Variants in FDXR observed in about 807,000 individuals in gnomAD.
FDXR encodes the protein ferredoxin reductase, also known as NADPH:adrenodoxin oxidoreductase, mitochondrial.
A neutral mutation model predicts 58.3 loss-of-function variants in FDXR; 38 were observed. The ratio of observed to expected loss-of-function variants is 0.65; its 90% CI spans 0.50 to 0.85. The LOEUF is 0.85. Among genes scored for constraint, FDXR ranks in the 40% least tolerant of loss-of-function variants. The pLI is 0.00. For missense variants in FDXR, 624 were observed against 671.0 expected, an observed-to-expected ratio of 0.93 and a Z score of 0.77; for synonymous variants, 275 against 273.8, an observed-to-expected ratio of 1.00 and a Z score of -0.04.
In FDXR at chr17:74,864,144, T is replaced by C; in HGVS notation, c.1002+4A>G. 1.2e-6 allele frequency: 2 copies of C among 1,612,838 alleles called. No homozygotes were observed. The highest frequency in any genetic ancestry group is 2.2e-5 in the South Asian group (2 of 91,084). On this transcript the variant is annotated splice_donor_region_variant and intron_variant, in intron 9 of 11. Coordinates refer to ENST00000293195, the MANE Select transcript of FDXR (RefSeq NM_024417.5). Reference sequence around the variant, plus strand: ...GGGGTGTCTTTGGGAAACATGAGACTCACCTCCAGTCTAGTGACTGCTAGG... The same window carrying C: ...GGGGTGTCTTTGGGAAACATGAGACCCACCTCCAGTCTAGTGACTGCTAGG...
chr17:74,863,330 T>G, intron 10 of FDXR, 84 bp from the exon 11 acceptor site: 1 of 1,348,228 alleles, frequency 7.4e-7, no homozygotes, highest in Non-Finnish European at 1.0e-6. Context: ...TACACCCACG[T>G]GCACGCACAC....
rs539931119 is a variant in FDXR at position 74,864,341 on chromosome 17, G to T, written c.809C>A (p.Pro270His). 1.8e-4 allele frequency: 290 copies of T among 1,576,140 alleles called. 1 individual carries two copies. The highest frequency in any genetic ancestry group is 1.4e-3 in the South Asian group (124 of 87,550). Residue 270 changes from proline (P) to histidine (H), a missense_variant, in exon 9 of 12, where the codon CCC becomes CAC. Pro to His is a moderately conservative substitution (Grantham distance 77, BLOSUM62 -2). Transcript: ENST00000293195. ...TTCCGTCAGCCGCTTCCTCGGGCGGGGGACCTCTGTCAGCAACGTAGAATG... is the reference window on the plus strand; with the variant it reads ...TTCCGTCAGCCGCTTCCTCGGGCGGTGGACCTCTGTCAGCAACGTAGAATG... ...LGLQDKIKEV[P>H]RPRKRLTELL...
chr17:74,872,574 T>A, intron 1 of FDXR: 1 of 651,760 alleles, frequency 1.5e-6, no homozygotes, highest in Non-Finnish European at 2.6e-6. Context: ...ACTCAGACTT[T>A]CCTCTCGCCC....
intron 2 of FDXR, 77 bp downstream of exon 2, chr17:74,871,959 T>C: frequency 8.3e-7 from 1 of 1,211,506 alleles, no homozygotes; most frequent in Non-Finnish European, 1.1e-6. Flanking sequence ...GGAGTGCTCT[T>C]AAAACCCAAA....
chr17:74,866,796 G>A lies in FDXR; in HGVS notation c.258C>T (p.His86=). ...GLVRFGVAPD[H]PEVKNVINTF... The stretch of plus-strand genomic sequence containing the variant: ...CAGAGACACCCACCTTCACCTCGGG[G>A]TGATCAGGCGCCACACCAAAGCGCA... The change falls in exon 3 of 12, where the codon CAC becomes CAT. Residue 86 remains histidine, a synonymous_variant. Transcript: ENST00000293195. The A allele has an allele frequency of 6.2e-7, 1 of 1,614,154 alleles. No homozygotes were observed.
chr17:74,872,777 A>G, intron 1 of FDXR, 89 bp downstream of exon 1: 1 of 1,535,978 alleles, frequency 6.5e-7, no homozygotes, highest in South Asian at 1.2e-5. Context: ...ACCCTTCTCC[A>G]GCCCTGCCCC....
intron 2 of FDXR, among the ~76,000 whole-genome samples, chr17:74,870,591 TAA>T (rs112059939): frequency 6.8e-6 from 1 of 146,976 alleles, no homozygotes; most frequent in African/African-American, 2.5e-5. Context: ...CAGGATCAGC[TAA>T]AAAAAAACTG....
At position 74,870,097 on chromosome 17, in the gene FDXR, A is replaced by C. The variant is rs35303768; in HGVS notation, c.177+1939T>G. On this transcript the variant is annotated intron_variant, in intron 2 of 11. Transcript: ENST00000293195. ...CTTAGGAGCACAGCCAGTAGCTTGG[A>C]GCTCCCTGTGGGCAAAGATCAGCCC... 3.6e-3 allele frequency: 1,409 copies of C among 387,614 alleles called. 27 individuals carry two copies. Among genetic ancestry groups the C allele is most frequent in the African/African-American group, 0.027 (1,307 of 49,278 alleles). The allele number at this position is 387,614 out of a possible 1,614,324, so 24.0% of individuals were successfully genotyped here.
rs746389904 is a variant in FDXR, at chr17:74,866,191, T to A, written c.447A>T (p.Pro149=). ...RALEIPGEEL[P]GVCSARAFVG... ...CGAAGGCCCGGGCGGAGCACACACC[T>A]GGCAGCTCCTCACCAGGAATTTCCA... Residue 149 remains proline, a synonymous_variant, in exon 5 of 12, where the codon CCA becomes CCT. Coordinates refer to ENST00000293195, the MANE Select transcript of FDXR (RefSeq NM_024417.5). The A allele has an allele frequency of 6.2e-7, 1 of 1,613,984 alleles. No homozygotes were observed. Among genetic ancestry groups the A allele is most frequent in the Non-Finnish European group, 8.5e-7 (1 of 1,179,988 alleles).
Position 74,864,304 on chromosome 17 carries a change from T to A in FDXR, c.846A>T (p.Arg282=). 6.3e-7 allele frequency: 1 copy of A among 1,585,294 alleles called. No individual in the cohort carries two copies. The highest frequency in any genetic ancestry group is 8.6e-7 in the Non-Finnish European group (1 of 1,162,718). ...CCGGCCCTGGCTTCTCTGTGGCCGT[T>A]CGAAGCAGCAGTTCCGTCAGCCGCT... ...PRKRLTELLL[R]TATEKPGPAE... is the part of the protein sequence containing the mutation. The change falls in exon 9 of 12, where the codon CGA becomes CGT. Residue 282 remains arginine, a synonymous_variant. Coordinates refer to ENST00000293195, the MANE Select transcript of FDXR (RefSeq NM_024417.5).
rs771085930 is a variant in FDXR, at chr17:74,862,833, C to T, written c.1460G>A (p.Arg487His). 7.4e-6 allele frequency: 12 copies of T among 1,611,154 alleles called. No homozygotes were observed. The highest frequency in any genetic ancestry group is 4.5e-5 in the East Asian group (2 of 44,898). ...EKLVDPQEML[R>H]LLGH ...GGGCTGGGCTCAGTGGCCCAGGAGG[C>T]GCAGCATCTCCTGAGGATCCACCAG... Residue 487 changes from arginine (R) to histidine (H), a missense_variant, in exon 12 of 12, where the codon CGC becomes CAC. Coordinates refer to ENST00000293195, the MANE Select transcript of FDXR (RefSeq NM_024417.5).
chr17:74,869,063 C>A (rs570883306), intron 2 of FDXR, among the ~76,000 whole-genome samples: 7 of 152,208 alleles, frequency 4.6e-5, no homozygotes, highest in Admixed American at 2.6e-4. Context: ...TCCCATCAAT[C>A]CCCCATCCTC....
chr17:74,862,690 G>T lies in FDXR; in HGVS notation c.*127C>A. ...AGGAGGGAGGAGAGACGCTGGAAGA[G>T]CAGCCAAGCCTCCAAGCCAGGGCCG... On this transcript the variant is annotated 3_prime_UTR_variant, in exon 12 of 12. Coordinates refer to ENST00000293195, the MANE Select transcript of FDXR (RefSeq NM_024417.5). 1.5e-6 allele frequency: 2 copies of T among 1,297,910 alleles called. No homozygotes were observed. The highest frequency in any genetic ancestry group is 2.1e-6 in the Non-Finnish European group (2 of 961,682). The allele number at this position is 1,297,910 out of a possible 1,614,324, so 80.4% of individuals were successfully genotyped here. A position where few individuals can be genotyped will look rare whatever the true frequency, so the allele number is the denominator to read the frequency against.
At chr17:74,872,441 A>G (rs1267052560) in intron 1 of FDXR, 10 of 683,860 alleles carry the variant, frequency 1.5e-5, no homozygotes, top group Non-Finnish European at 2.4e-5. Flanking sequence ...AACGGCCTCC[A>G]TATCATCCCA....
In FDXR at chr17:74,866,775, G is replaced by C. The variant is rs1445989577; in HGVS notation, c.270+9C>G. The C allele has an allele frequency of 1.2e-6, 2 of 1,613,794 alleles. No homozygotes were observed. Among genetic ancestry groups the C allele is most frequent in the Non-Finnish European group, 1.7e-6 (2 of 1,179,912 alleles). On this transcript the variant is annotated intron_variant, in intron 3 of 11. Coordinates refer to ENST00000293195, the MANE Select transcript of FDXR (RefSeq NM_024417.5). ...CCAAACCCCAGCCTCCAGGCCCAGA[G>C]ACACCCACCTTCACCTCGGGGTGAT... is the stretch of plus-strand genomic sequence containing the variant.
At chr17:74,870,047 C>A in intron 2 of FDXR, 1 of 428,304 alleles carries the variant, frequency 2.3e-6, no homozygotes, top group Non-Finnish European at 4.9e-6. Context: ...GGCCACTGTC[C>A]CAAACGTGCT....
Position 74,862,863 on chromosome 17 carries a change from TCCCTGGGCTTCC to T in FDXR, c.1418_1429del (p.Gly473_Arg476del). On this transcript the variant is annotated inframe_deletion, in exon 12 of 12. Coordinates refer to ENST00000293195, the MANE Select transcript of FDXR (RefSeq NM_024417.5). ...CATCTCCTGAGGATCCACCAGCTTC[TCCCTGGGCTTCC>T]CCGTGCCCTGGCCCCGGGCCACCTC... The T allele has an allele frequency of 6.2e-7, 1 of 1,613,052 alleles. No homozygotes were observed. Among genetic ancestry groups the T allele is most frequent in the Non-Finnish European group, 8.5e-7 (1 of 1,179,978 alleles).
chr17:74,866,663 GAA>G, intron 3 of FDXR, 95 bp from the exon 4 acceptor site: 1 of 1,595,116 alleles, frequency 6.3e-7, no homozygotes, highest in Non-Finnish European at 8.6e-7. Context: ...CCCCAGGAGG[GAA>G]GCTGGGTGGC....
chr17:74,872,005 G>A, intron 2 of FDXR, 31 bp downstream of exon 2: 1 of 1,501,876 alleles, frequency 6.7e-7, no homozygotes, highest in Non-Finnish European at 9.0e-7. Context: ...GGAGCAGCAG[G>A]TGAATGATGG....
Sources: allele counts gnomAD v4.1 joint callset (sites outside exome capture counted in the v4.1 genomes callset), GRCh38; gene constraint gnomAD v4.1.1; transcripts MANE v1.5; gene names NCBI Gene and HGNC (gene_info 2026-07-23, HGNC 2026-07-21).